Variants in LIPK observed in about 807,000 individuals in gnomAD.
The protein encoded by LIPK is lipase family member K, also known as lipase member K.
LIPK carries 32 observed loss-of-function variants against 48.6 expected under a neutral mutation model. The ratio of observed to expected loss-of-function variants is 0.66; its 90% CI spans 0.50 to 0.88. The LOEUF is 0.88. Ranked by LOEUF, LIPK falls within the 40% of genes least tolerant of loss-of-function variation. The probability of loss-of-function intolerance (pLI) is 0.00; values close to 1 mark genes in which losing one functional copy is unlikely to be tolerated. For synonymous variants in LIPK, 164 were observed against 157.4 expected (o/e 1.04, Z -0.32); for missense variants, 507 against 478.5 (o/e 1.06, Z -0.56).
chr10:88,719,770 A>G lies in LIPK; in HGVS notation c.-11-4763A>G, dbSNP rs184192823. Among the ~76,000 whole-genome samples, 3 of 152,290 alleles carry G rather than the reference A, an allele frequency of 2.0e-5. No homozygotes were observed. The East Asian group carries it at 5.8e-4, about 29-fold the overall frequency. ...TCTCCAAGCATTGCCATAAGTTGTT[A>G]TTAAGTGTTTGCTTGATGAGCCTGA... On this transcript the variant is annotated intron_variant, in intron 1 of 9. Coordinates refer to ENST00000404190, the MANE Select transcript of LIPK (RefSeq NM_001080518.2).
intron 8 of LIPK, among the ~76,000 whole-genome samples, chr10:88,742,794 T>A (rs1368292182): frequency 6.6e-6 from 1 of 152,082 alleles, no homozygotes; most frequent in African/African-American, 2.4e-5. Context: ...ATAGGGAATA[T>A]AATCATAACA....
At position 88,743,335 on chromosome 10, in the gene LIPK, C is replaced by T. The variant is rs1248082322; in HGVS notation, c.960+14C>T. 2 of 1,561,330 alleles carry T rather than the reference C, an allele frequency of 1.3e-6. No homozygotes were observed. Among genetic ancestry groups the T allele is most frequent in the Non-Finnish European group, 8.7e-7 (1 of 1,145,694 alleles). On this transcript the variant is annotated intron_variant, in intron 9 of 9. Transcript: ENST00000404190. Reference sequence around the variant, plus strand: ...CACTTCCATCAGGTACAAAAATAATCCTCATAATCAGTTCCATGCTGCAAA... The same window carrying T: ...CACTTCCATCAGGTACAAAAATAATTCTCATAATCAGTTCCATGCTGCAAA...
rs1188009939 is a variant in LIPK, at chr10:88,732,287, G to A, written c.532G>A (p.Ala178Thr). 6.2e-7 allele frequency: 1 copy of A among 1,612,318 alleles called. No homozygotes were observed. Among genetic ancestry groups the A allele is most frequent in the African/African-American group, 1.3e-5 (1 of 74,848 alleles). ...YVGHSQGTTI[A>T]FIAFSTNPEL... ...GGGCCACTCACAAGGCACCACCATA[G>A]GTGTGTTTGGGGCAGATGTGATCAG... The change falls in exon 5 of 10, where the codon GCT (alanine) becomes ACT (threonine). Residue 178 changes from alanine to threonine, a missense_variant and splice_region_variant. Physicochemically the swap from Ala to Thr is moderately conservative, Grantham distance 58. Transcript: ENST00000404190.
intron 9 of LIPK, among the ~76,000 whole-genome samples, chr10:88,745,730 A>G (rs568430162): frequency 3.3e-5 from 5 of 152,234 alleles, no homozygotes; most frequent in Non-Finnish European, 5.9e-5. Flanking sequence ...TCAAGCCTAC[A>G]TAAGAACCAG....
chr10:88,743,012 G>A (rs1296849492), intron 8 of LIPK, among the ~76,000 whole-genome samples: 1 of 152,118 alleles, frequency 6.6e-6, no homozygotes, highest in African/African-American at 2.4e-5. Flanking sequence ...GGATTTAAAT[G>A]AAAAATCTGA....
intron 8 of LIPK, 109 bp from the exon 9 acceptor site, chr10:88,743,141 T>C: frequency 1.6e-6 from 1 of 609,734 alleles, no homozygotes; most frequent in Non-Finnish European, 2.8e-6. Context: ...TTAGCTTATG[T>C]TTCTAAAGAC....
chr10:88,714,912 T>C (rs1842089339), intron 1 of LIPK, among the ~76,000 whole-genome samples: 1 of 152,076 alleles, frequency 6.6e-6, no homozygotes. Flanking sequence ...TTGATATTAA[T>C]TTGATTCTCT....
intron 9 of LIPK, among the ~76,000 whole-genome samples, chr10:88,749,221 T>C (rs924528481): frequency 6.6e-6 from 1 of 152,162 alleles, no homozygotes; most frequent in Non-Finnish European, 1.5e-5. Context: ...TCAATGCTAC[T>C]CCTATCAAAA....
At chr10:88,715,947 A>C (rs938121432) in intron 1 of LIPK, among the ~76,000 whole-genome samples, 11 of 152,100 alleles carry the variant, frequency 7.2e-5, no homozygotes, top group Non-Finnish European at 1.3e-4. Context: ...ATGACTGAAA[A>C]CAATTGACTT....
intron 1 of LIPK, among the ~76,000 whole-genome samples, chr10:88,717,881 G>GTTT (rs111612883): frequency 4.8e-5 from 7 of 146,334 alleles, no homozygotes; most frequent in South Asian, 2.2e-4. Flanking sequence ...ATTATTTAAT[G>GTTT]TTTTTTTTTT....
At chr10:88,748,419 C>T (rs1842807053) in intron 9 of LIPK, among the ~76,000 whole-genome samples, 1 of 152,092 alleles carries the variant, frequency 6.6e-6, no homozygotes, top group Non-Finnish European at 1.5e-5. Context: ...GGGTATGAGA[C>T]TAGCCTGGCC....
At chr10:88,752,117 A>G (rs1014353321) in intron 9 of LIPK, among the ~76,000 whole-genome samples, 2 of 152,176 alleles carry the variant, frequency 1.3e-5, no homozygotes, top group African/African-American at 4.8e-5. Context: ...CTGATTCCCA[A>G]ATATTAATAA....
intron 1 of LIPK, among the ~76,000 whole-genome samples, chr10:88,710,748 T>A (rs1253141372): frequency 1.3e-5 from 2 of 152,220 alleles, no homozygotes; most frequent in Non-Finnish European, 2.9e-5. Context: ...TGTATTATTT[T>A]CAATAATTTG....
intron 6 of LIPK, among the ~76,000 whole-genome samples, chr10:88,733,117 TTTG>T (rs1842501687): frequency 6.6e-6 from 1 of 152,224 alleles, no homozygotes. Flanking sequence ...AACAATTGTT[TTTG>T]TTATCATTAG....
intron 8 of LIPK, among the ~76,000 whole-genome samples, chr10:88,740,305 G>C (rs1047361598): frequency 6.6e-6 from 1 of 152,186 alleles, no homozygotes; most frequent in Non-Finnish European, 1.5e-5. Flanking sequence ...ATCCTTAGAT[G>C]ATTCCAAACT....
chr10:88,706,421 T>C (rs1314350991), intron 1 of LIPK, among the ~76,000 whole-genome samples, 101 bp downstream of exon 1: 1 of 152,168 alleles, frequency 6.6e-6, no homozygotes, highest in Admixed American at 6.6e-5. Flanking sequence ...ATGATGAATA[T>C]TGTATTTTGA....
intron 7 of LIPK, among the ~76,000 whole-genome samples, chr10:88,739,151 A>G (rs1372477925): frequency 6.7e-6 from 1 of 149,860 alleles, no homozygotes; most frequent in Non-Finnish European, 1.5e-5. Context: ...TTGTTTATCC[A>G]TAAGATATCT....
At position 88,732,108 on chromosome 10, in the gene LIPK, A is replaced by G. The variant is rs182269311; in HGVS notation, c.423-70A>G. On this transcript the variant is annotated intron_variant, in intron 4 of 9. Coordinates refer to ENST00000404190, the MANE Select transcript of LIPK (RefSeq NM_001080518.2). ...AATCAAAGTATTTATGTCTTCACTG[A>G]ACGTGTTTAAATGTTCTAGGCCTAA... The G allele has an allele frequency of 1.2e-4, 120 of 961,972 alleles. No individual in the cohort carries two copies. The East Asian group carries it at 1.4e-3, about 11-fold the overall frequency. 59.6% of individuals were successfully genotyped at this position (961,972 alleles called of 1,614,324 possible).
intron 1 of LIPK, among the ~76,000 whole-genome samples, chr10:88,723,085 G>A (rs925562878): frequency 8.6e-5 from 13 of 151,592 alleles, no homozygotes; most frequent in African/African-American, 2.9e-4. Context: ...AGGGTTTTCC[G>A]TGTTGCCCAG....
Sources: gnomAD v4.1 joint callset for allele counts (sites outside exome capture counted in the v4.1 genomes callset) on GRCh38, gnomAD v4.1.1 for gene constraint, MANE v1.5 for transcripts, NCBI Gene and HGNC (gene_info 2026-07-23, HGNC 2026-07-21) for gene names.